ANXA10: variants seen among roughly 807,000 people sequenced by gnomAD.
ANXA10 encodes the protein annexin A10.
In ANXA10, 49 loss-of-function variants were observed where a neutral mutation model predicts 53.5. The ratio of observed to expected loss-of-function variants is 0.92; its 90% confidence interval spans 0.73 to 1.16. The LOEUF (loss-of-function observed/expected upper bound fraction) is 1.16. ANXA10 is among the 50% of genes most tolerant of loss of function. The probability of loss-of-function intolerance (pLI) is 0.00; values close to 1 mark genes in which losing one functional copy is unlikely to be tolerated. For synonymous variants in ANXA10, 131 were observed against 128.9 expected, an observed-to-expected ratio of 1.02 and a Z score of -0.11; for missense variants, 393 against 394.4, an observed-to-expected ratio of 1.00 and a Z score of 0.03.
intron 3 of ANXA10, among the ~76,000 whole-genome samples, chr4:168,155,321 A>G (rs911502648): frequency 7.7e-6 from 1 of 129,916 alleles, no homozygotes; most frequent in African/African-American, 2.9e-5. Flanking sequence ...TATATATTAT[A>G]TTATATGTAT....
intron 1 of ANXA10, among the ~76,000 whole-genome samples, chr4:168,101,376 C>A (rs1730636873): frequency 6.6e-6 from 1 of 151,894 alleles, no homozygotes; most frequent in Non-Finnish European, 1.5e-5. Context: ...TCAGATATTT[C>A]TTTATAGCAA....
Position 168,153,432 on chromosome 4 carries a change from A to C in ANXA10, c.196-9096A>C, listed in dbSNP as rs560284762. ...GCTAAAAGCCTAAAGCAAAAAAAAA[A>C]AAAAAAAAACAAAAACAAAAACAAA... On this transcript the variant is annotated intron_variant, in intron 3 of 11. Transcript: ENST00000359299. Among the ~76,000 whole-genome samples, 14 of 60,154 alleles carry C rather than the reference A, an allele frequency of 2.3e-4. No individual in the cohort carries two copies. The East Asian group carries it at 4.0e-3, about 17-fold the overall frequency. 39.5% of individuals were successfully genotyped at this position (60,154 alleles called of 152,430 possible). A position where few individuals can be genotyped will look rare whatever the true frequency, so the allele number is the denominator to read the frequency against.
chr4:168,169,461 TC>T (rs796632521), intron 6 of ANXA10, among the ~76,000 whole-genome samples: 60 of 152,292 alleles, frequency 3.9e-4, no homozygotes, highest in African/African-American at 1.3e-3. Context: ...TTTATTTAAT[TC>T]CATTAGGACT....
intron 6 of ANXA10, among the ~76,000 whole-genome samples, chr4:168,175,091 A>G (rs998968205): frequency 3.3e-5 from 5 of 152,188 alleles, no homozygotes; most frequent in Admixed American, 3.3e-4. Context: ...GACTACTTGG[A>G]CCTTCCAAAA....
chr4:168,154,405 G>C (rs58349016), intron 3 of ANXA10, among the ~76,000 whole-genome samples: 3,058 of 152,178 alleles, frequency 0.02, 84 homozygotes, highest in African/African-American at 0.069. Context: ...GAAAGTCCAT[G>C]TCCTGATAGA....
intron 3 of ANXA10, among the ~76,000 whole-genome samples, chr4:168,147,247 T>G (rs1731420951): frequency 6.6e-6 from 1 of 152,158 alleles, no homozygotes; most frequent in African/African-American, 2.4e-5. Context: ...TACCCTAATA[T>G]GGGAATATCA....
At chr4:168,129,050 A>G (rs1460025306) in intron 2 of ANXA10, among the ~76,000 whole-genome samples, 1 of 152,090 alleles carries the variant, frequency 6.6e-6, no homozygotes, top group Non-Finnish European at 1.5e-5. Context: ...GATGAGCATA[A>G]AGACAAACAT....
intron 6 of ANXA10, among the ~76,000 whole-genome samples, chr4:168,172,386 A>G (rs979638670): frequency 1.2e-4 from 19 of 152,284 alleles, no homozygotes; most frequent in Admixed American, 9.2e-4. Context: ...ATTCTTAAAT[A>G]TCTCTCACAA....
At chr4:168,153,422 C>CAAAAAAAAAAA (rs61179704) in intron 3 of ANXA10, among the ~76,000 whole-genome samples, 27 of 43,518 alleles carry the variant, frequency 6.2e-4, no homozygotes, top group Middle Eastern at 0.019. Flanking sequence ...AAGCCTAAAG[C>CAAAAAAAAAAA]AAAAAAAAAA....
chr4:168,098,544 AT>A (rs1479806314), intron 1 of ANXA10, among the ~76,000 whole-genome samples: 2 of 152,106 alleles, frequency 1.3e-5, no homozygotes, highest in Non-Finnish European at 2.9e-5. Context: ...TTAAAAGGAG[AT>A]TTCAGAGTTT....
In ANXA10 at chr4:168,135,983, G is replaced by A. The variant is rs538183890; in HGVS notation, c.101-3503G>A. Reference sequence around the variant, plus strand: ...GAGACCTCAGGAAACTTACAATCATGGCAGAAGGCAAAGGGGAAGCAGGCA... The same window carrying A: ...GAGACCTCAGGAAACTTACAATCATAGCAGAAGGCAAAGGGGAAGCAGGCA... On this transcript the variant is annotated intron_variant, in intron 2 of 11. Transcript: ENST00000359299. Among the ~76,000 whole-genome samples, 9 of 152,196 alleles carry A rather than the reference G, an allele frequency of 5.9e-5. No individual in the cohort carries two copies. The East Asian group carries it at 1.7e-3, about 29-fold the overall frequency.
intron 3 of ANXA10, among the ~76,000 whole-genome samples, chr4:168,143,343 A>ACAGAAT (rs1261145909): frequency 6.6e-6 from 1 of 152,230 alleles, no homozygotes; most frequent in African/African-American, 2.4e-5. Flanking sequence ...TCAAGAGTTG[A>ACAGAAT]CAGAATCATT....
At chr4:168,111,586 T>A (rs1012210152) in intron 1 of ANXA10, among the ~76,000 whole-genome samples, 3 of 152,172 alleles carry the variant, frequency 2.0e-5, no homozygotes, top group African/African-American at 4.8e-5. Flanking sequence ...ACTGGCCTTG[T>A]ATAAATACTG....
chr4:168,178,011 CTACTTGACCAAT>C, intron 8 of ANXA10, 28 bp downstream of exon 8: 1 of 1,591,176 alleles, frequency 6.3e-7, no homozygotes, highest in Non-Finnish European at 8.6e-7. Flanking sequence ...TTCGTTCCAG[CTACTTGACCAAT>C]TATATAACAA....
At chr4:168,126,186 C>G (rs1393901916) in intron 1 of ANXA10, among the ~76,000 whole-genome samples, 1 of 152,060 alleles carries the variant, frequency 6.6e-6, no homozygotes, top group African/African-American at 2.4e-5. Context: ...ACTCCTAAAA[C>G]AGTCTCTGAC....
chr4:168,185,270 T>A (rs752949349), intron 11 of ANXA10, among the ~76,000 whole-genome samples: 2 of 152,238 alleles, frequency 1.3e-5, no homozygotes, highest in African/African-American at 4.8e-5. Context: ...TCATTCTCTA[T>A]AATTGTGCTT....
At chr4:168,096,260 T>C (rs1180245373) in intron 1 of ANXA10, among the ~76,000 whole-genome samples, 2 of 152,184 alleles carry the variant, frequency 1.3e-5, no homozygotes, top group African/African-American at 4.8e-5. Context: ...TGACTTTGAT[T>C]GTTTATCTGC....
At chr4:168,109,939 G>A (rs1284044422) in intron 1 of ANXA10, among the ~76,000 whole-genome samples, 1 of 152,194 alleles carries the variant, frequency 6.6e-6, no homozygotes, top group Non-Finnish European at 1.5e-5. Flanking sequence ...GGCCGGGCAC[G>A]GTGGCTCACG....
intron 1 of ANXA10, among the ~76,000 whole-genome samples, chr4:168,099,604 C>A (rs1377112848): frequency 6.6e-6 from 1 of 151,924 alleles, no homozygotes; most frequent in Non-Finnish European, 1.5e-5. Flanking sequence ...AACTTAACGA[C>A]CAGAAGAAAC....
Sources: gnomAD v4.1 joint callset for allele counts (sites outside exome capture counted in the v4.1 genomes callset) on GRCh38, gnomAD v4.1.1 for gene constraint, MANE v1.5 for transcripts, NCBI Gene and HGNC (gene_info 2026-07-23, HGNC 2026-07-21) for gene names.